Variants in ROBO2 observed in about 807,000 individuals in gnomAD.
The protein encoded by ROBO2 is roundabout homolog 2.
In ROBO2, 53 loss-of-function variants were observed where a neutral mutation model predicts 160.8. The ratio of observed to expected loss-of-function variants is 0.33; its 90% confidence interval spans 0.26 to 0.41. The LOEUF (loss-of-function observed/expected upper bound fraction) is 0.41. Among genes scored for constraint, ROBO2 ranks in the 10% least tolerant of loss-of-function variants. The probability of loss-of-function intolerance (pLI) is 1.00; values close to 1 mark genes in which losing one functional copy is unlikely to be tolerated. For missense variants in ROBO2, 1,577 were observed against 1,722.4 expected, an observed-to-expected ratio of 0.92 and a Z score of 1.49; for synonymous variants, 664 against 611.7, an observed-to-expected ratio of 1.09 and a Z score of -1.26.
chr3:76,453,030 T>A (rs1222750868), intron 2 of ROBO2, among the ~76,000 whole-genome samples: 1 of 152,208 alleles, frequency 6.6e-6, no homozygotes, highest in Non-Finnish European at 1.5e-5. Flanking sequence ...TTGTTTGTTT[T>A]TTTCTTGTAA....
chr3:76,079,705 C>T (rs1255272483), intron 2 of ROBO2, among the ~76,000 whole-genome samples: 1 of 151,870 alleles, frequency 6.6e-6, no homozygotes, highest in Non-Finnish European at 1.5e-5. Flanking sequence ...AGGCTGGTCT[C>T]GAACTCCTGA....
At chr3:77,331,176 CA>C (rs1255514454) in intron 2 of ROBO2, among the ~76,000 whole-genome samples, 3 of 152,190 alleles carry the variant, frequency 2.0e-5, no homozygotes, top group Non-Finnish European at 4.4e-5. Flanking sequence ...ACGGTAATTA[CA>C]GTGTTTCTTG....
intron 2 of ROBO2, among the ~76,000 whole-genome samples, chr3:75,973,369 A>G (rs1308827096): frequency 6.6e-6 from 1 of 151,654 alleles, no homozygotes; most frequent in Non-Finnish European, 1.5e-5. Flanking sequence ...AGTTTGGCAG[A>G]ATTTATCAAG....
chr3:77,572,294 G>C (rs1400625581), intron 13 of ROBO2, among the ~76,000 whole-genome samples: 3 of 152,046 alleles, frequency 2.0e-5, no homozygotes, highest in Middle Eastern at 3.4e-3. Context: ...TATACTGCAA[G>C]GGTTTTTTTG....
chr3:77,050,605 A>C (rs1306594930), intron 1 of ROBO2, among the ~76,000 whole-genome samples: 3 of 148,792 alleles, frequency 2.0e-5, no homozygotes, highest in Non-Finnish European at 4.4e-5. Flanking sequence ...TTTTTTCCCC[A>C]TGCAAAATTG....
intron 2 of ROBO2, among the ~76,000 whole-genome samples, chr3:76,674,345 G>A (rs1027208936): frequency 1.3e-5 from 2 of 151,998 alleles, no homozygotes; most frequent in African/African-American, 2.4e-5. Context: ...ACTAAACATG[G>A]CAGCATCCCC....
At chr3:76,959,470 G>T (rs2149223116) in intron 2 of ROBO2, among the ~76,000 whole-genome samples, 1 of 152,274 alleles carries the variant, frequency 6.6e-6, no homozygotes, top group African/African-American at 2.4e-5. Flanking sequence ...CAATTTAGTG[G>T]CTGCTTCATT....
chr3:76,674,087 C>A (rs1017821020), intron 2 of ROBO2, among the ~76,000 whole-genome samples: 14 of 151,952 alleles, frequency 9.2e-5, no homozygotes, highest in South Asian at 2.1e-4. Context: ...TAGCCAATCA[C>A]AAATTTCAAT....
At chr3:77,448,883 A>G (rs374040338) in intron 2 of ROBO2, among the ~76,000 whole-genome samples, 2 of 151,930 alleles carry the variant, frequency 1.3e-5, no homozygotes, top group East Asian at 3.9e-4. Flanking sequence ...ACTCTATGTG[A>G]AAAAAAATCA....
chr3:75,975,395 C>T (rs1207965445), intron 2 of ROBO2, among the ~76,000 whole-genome samples: 14 of 151,236 alleles, frequency 9.3e-5, no homozygotes, highest in East Asian at 2.0e-4. Context: ...ATTTTGTCTA[C>T]GCTTTATTTA....
rs2108936195 is a variant in ROBO2 at position 76,422,307 on chromosome 3, A to G, written c.109+484705A>G. 1.3e-5 allele frequency among the ~76,000 whole-genome samples: 2 copies of G among 152,274 alleles called. 1 individual carries two copies. Among genetic ancestry groups the G allele is most frequent in the African/African-American group, 4.8e-5 (2 of 41,550 alleles). ...TGATACTTTCTTATCAAGAGGTTGT[A>G]TGTCTGGGCTCCAGACCCTTGTTTA... On this transcript the variant is annotated intron_variant, in intron 2 of 26. Transcript: ENST00000487694.
intron 2 of ROBO2, among the ~76,000 whole-genome samples, chr3:77,404,730 T>C (rs2076121122): frequency 6.6e-6 from 1 of 152,198 alleles, no homozygotes. Context: ...AGTAAAATAT[T>C]CATTTGCTTT....
intron 2 of ROBO2, among the ~76,000 whole-genome samples, chr3:75,995,644 A>G (rs906890767): frequency 6.6e-6 from 1 of 152,080 alleles, no homozygotes; most frequent in Non-Finnish European, 1.5e-5. Flanking sequence ...GAAGAGGTCT[A>G]CAGTCCTCCA....
chr3:77,017,214 T>C (rs1176116411), intron 2 of ROBO2, among the ~76,000 whole-genome samples: 2 of 152,318 alleles, frequency 1.3e-5, no homozygotes, highest in East Asian at 3.9e-4. Context: ...TGTATCTAAT[T>C]TTATAAACTG....
At chr3:77,219,704 G>A (rs184039528) in intron 2 of ROBO2, among the ~76,000 whole-genome samples, 5 of 151,024 alleles carry the variant, frequency 3.3e-5, no homozygotes, top group South Asian at 2.1e-4. Flanking sequence ...AGTATTTGCC[G>A]TCTACAAGTC....
intron 2 of ROBO2, chr3:77,317,185 G>C: frequency 1.1e-6 from 1 of 895,620 alleles, no homozygotes; most frequent in Non-Finnish European, 1.9e-6. Flanking sequence ...CGGCACTAGA[G>C]CACCCCGGAT....
chr3:77,248,779 T>G (rs1308098279), intron 2 of ROBO2, among the ~76,000 whole-genome samples: 8 of 20,552 alleles, frequency 3.9e-4, no homozygotes, highest in Non-Finnish European at 8.9e-4. Flanking sequence ...CACTTGCTCT[T>G]TTTTTTTTTT....
chr3:76,101,477 T>C (rs553760306), intron 2 of ROBO2, among the ~76,000 whole-genome samples: 89 of 152,284 alleles, frequency 5.8e-4, no homozygotes, highest in Non-Finnish European at 1.0e-3. Flanking sequence ...AAGCTGGAGA[T>C]ATACATTTTG....
intron 2 of ROBO2, among the ~76,000 whole-genome samples, chr3:76,775,831 T>G (rs1388420551): frequency 2.7e-5 from 4 of 150,824 alleles, no homozygotes; most frequent in Non-Finnish European, 6.0e-5. Flanking sequence ...GGAATAAAAT[T>G]TTTAATTATC....
Sources: gnomAD v4.1 joint callset for allele counts (sites outside exome capture counted in the v4.1 genomes callset) on GRCh38, gnomAD v4.1.1 for gene constraint, MANE v1.5 for transcripts, NCBI Gene and HGNC (gene_info 2026-07-23, HGNC 2026-07-21) for gene names.